ABI3BP: variants seen among roughly 807,000 people sequenced by gnomAD.
ABI3BP encodes target of Nesh-SH3.
In ABI3BP, 216 loss-of-function variants were observed where a neutral mutation model predicts 268.6. The ratio of observed to expected loss-of-function variants is 0.80; its 90% CI spans 0.72 to 0.90. ABI3BP has a LOEUF of 0.90. Ranked by LOEUF, ABI3BP falls within the 40% of genes least tolerant of loss-of-function variation. ABI3BP has a pLI of 0.00. For missense variants in ABI3BP, 2,090 were observed against 2,182.4 expected (o/e 0.96, Z 0.84); for synonymous variants, 730 against 730.0 (o/e 1.00, Z 0.00).
At chr3:100,922,425 G>A (rs964971199) in intron 2 of ABI3BP, among the ~76,000 whole-genome samples, 3 of 152,110 alleles carry the variant, frequency 2.0e-5, no homozygotes, top group African/African-American at 7.2e-5. Context: ...TTTAAAATAG[G>A]GAAAGTATCC....
In ABI3BP at chr3:100,875,520, C is replaced by T; in HGVS notation, c.805G>A (p.Gly269Arg). ...GAGATCCACTCACCTAGTATCACTC[C>T]TCCCAGTGGAGCTTTTTCTGGGGAT... Reference protein sequence around the residue: ...AKSPEKAPLGGVILVHLIIPG... With the variant: ...AKSPEKAPLGRVILVHLIIPG... The change falls in exon 8 of 68, where the codon GGA (glycine) becomes AGA (arginine). Residue 269 changes from glycine to arginine, a missense_variant. Transcript: ENST00000471714. 1 of 1,611,294 alleles carries T rather than the reference C, an allele frequency of 6.2e-7. No individual in the cohort carries two copies. Among genetic ancestry groups the T allele is most frequent in the Non-Finnish European group, 8.5e-7 (1 of 1,177,444 alleles).
intron 6 of ABI3BP, among the ~76,000 whole-genome samples, chr3:100,876,975 C>T (rs369032567): frequency 3.9e-5 from 6 of 151,978 alleles, no homozygotes; most frequent in Middle Eastern, 3.2e-3. Flanking sequence ...GTGACAACAG[C>T]GAGACTCCAT....
At chr3:100,934,762 G>C (rs577865318) in intron 1 of ABI3BP, among the ~76,000 whole-genome samples, 1 of 151,860 alleles carries the variant, frequency 6.6e-6, no homozygotes, top group South Asian at 2.1e-4. Context: ...TCATATGTTT[G>C]TTGGCTGCAT....
In ABI3BP at chr3:100,775,126, G is replaced by C. The variant is rs922090925; in HGVS notation, c.4462+81C>G. ...AGTAAAATAGAAGACCTCAAACTGA[G>C]ACTCACCCATCCCCACCAACATTTA... On this transcript the variant is annotated intron_variant, in intron 60 of 67. Coordinates refer to ENST00000471714, the MANE Select transcript of ABI3BP (RefSeq NM_001375547.2). 2.2e-5 allele frequency: 34 copies of C among 1,512,456 alleles called. No homozygotes were observed. The African/African-American group carries it at 4.3e-4, about 19-fold the overall frequency. 93.7% of individuals were successfully genotyped at this position (1,512,456 alleles called of 1,614,324 possible). A position where few individuals can be genotyped will look rare whatever the true frequency, so the allele number is the denominator to read the frequency against.
chr3:100,843,946 G>C (rs1241448364), intron 20 of ABI3BP: 1 of 985,264 alleles, frequency 1.0e-6, no homozygotes, highest in East Asian at 1.1e-4. Flanking sequence ...CTGCATTTTT[G>C]AGTTCCTGGC....
At chr3:100,779,297 G>A (rs551920320) in intron 58 of ABI3BP, among the ~76,000 whole-genome samples, 1 of 152,248 alleles carries the variant, frequency 6.6e-6, no homozygotes, top group South Asian at 2.1e-4. Context: ...TGTAAGTGGG[G>A]GACAAAGCTT....
chr3:100,928,538 C>A (rs966602305), intron 1 of ABI3BP, among the ~76,000 whole-genome samples: 23 of 152,198 alleles, frequency 1.5e-4, no homozygotes, highest in African/African-American at 5.5e-4. Flanking sequence ...ATTATTCATA[C>A]CTCAGCAGCT....
In ABI3BP at chr3:100,993,295, AG is replaced by A; in HGVS notation, c.79+10del. On this transcript the variant is annotated intron_variant, in intron 1 of 67. Coordinates refer to ENST00000471714, the MANE Select transcript of ABI3BP (RefSeq NM_001375547.2). ...TATTATTTTTAAAACATAAAACATC[AG>A]GCTACTTGCCTTTTGGCAATTTCTG... The A allele has an allele frequency of 2.6e-6, 4 of 1,524,160 alleles. No homozygotes were observed. The highest frequency in any genetic ancestry group is 3.6e-6 in the Non-Finnish European group (4 of 1,122,996). 94.4% of individuals were successfully genotyped at this position (1,524,160 alleles called of 1,614,324 possible).
intron 53 of ABI3BP, 55 bp downstream of exon 53, chr3:100,795,749 G>A (rs1372827649): frequency 1.7e-6 from 2 of 1,211,614 alleles, no homozygotes; most frequent in African/African-American, 1.6e-5. Context: ...AGAAAGGCCT[G>A]CAATCTTGAT....
chr3:100,898,616 C>G (rs1449526056), intron 4 of ABI3BP, 146 bp downstream of exon 4: 6 of 887,068 alleles, frequency 6.8e-6, no homozygotes, highest in African/African-American at 1.8e-5. Context: ...ATAACCTTCT[C>G]AAGGGCAGGG....
At chr3:100,838,793 T>C (rs896389008) in intron 24 of ABI3BP, among the ~76,000 whole-genome samples, 1 of 152,208 alleles carries the variant, frequency 6.6e-6, no homozygotes, top group African/African-American at 2.4e-5. Flanking sequence ...TTCTTCAGTA[T>C]ACAAACAGTA....
intron 30 of ABI3BP, among the ~76,000 whole-genome samples, 199 bp from the exon 31 acceptor site, chr3:100,832,549 C>G (rs1393591535): frequency 2.0e-5 from 3 of 152,040 alleles, no homozygotes; most frequent in Non-Finnish European, 4.4e-5. Context: ...AAATATTGTA[C>G]ATACAATTAC....
At chr3:100,893,397 C>T (rs145659038) in intron 4 of ABI3BP, among the ~76,000 whole-genome samples, 1 of 152,220 alleles carries the variant, frequency 6.6e-6, no homozygotes, top group African/African-American at 2.4e-5. Flanking sequence ...CATGTATATA[C>T]ATCTCTCCTA....
chr3:100,844,178 C>T, intron 20 of ABI3BP: 1 of 985,398 alleles, frequency 1.0e-6, no homozygotes, highest in South Asian at 4.7e-5. Context: ...AAAACAAAGA[C>T]AAATTTGACT....
chr3:100,877,776 T>C (rs2099176529), intron 6 of ABI3BP, among the ~76,000 whole-genome samples: 1 of 152,212 alleles, frequency 6.6e-6, no homozygotes, highest in Non-Finnish European at 1.5e-5. Flanking sequence ...ACTAGACCTG[T>C]TGATCATCAA....
At chr3:100,926,895 A>G (rs994353457) in intron 1 of ABI3BP, among the ~76,000 whole-genome samples, 3 of 152,242 alleles carry the variant, frequency 2.0e-5, no homozygotes, top group South Asian at 2.1e-4. Context: ...CACAGGTCTT[A>G]GTCATTGACA....
chr3:100,781,511 C>T (rs2096862920), intron 57 of ABI3BP, among the ~76,000 whole-genome samples: 1 of 152,108 alleles, frequency 6.6e-6, no homozygotes, highest in Admixed American at 6.5e-5. Flanking sequence ...GCAAATGGTT[C>T]ATTAGTCTTC....
chr3:100,794,779 GT>G (rs1167058105), intron 54 of ABI3BP, 143 bp downstream of exon 54: 143 of 627,430 alleles, frequency 2.3e-4, no homozygotes, highest in Non-Finnish European at 3.7e-4. Context: ...CAAATACACA[GT>G]TAATGTAAAA....
intron 20 of ABI3BP, chr3:100,843,499 G>C (rs182292030): frequency 2.2e-4 from 214 of 958,220 alleles, no homozygotes; most frequent in Non-Finnish European, 2.6e-4. Flanking sequence ...GGGAGGGAAA[G>C]AAAGAGAGGG....
Sources: gnomAD v4.1 joint callset for allele counts (sites outside exome capture counted in the v4.1 genomes callset) on GRCh38, gnomAD v4.1.1 for gene constraint, MANE v1.5 for transcripts, NCBI Gene and HGNC (gene_info 2026-07-23, HGNC 2026-07-21) for gene names.